The following LINGO2 variants were observed in gnomAD, a reference collection of about 807,000 sequenced individuals.
The protein encoded by LINGO2 is leucine-rich repeat and immunoglobulin-like domain-containing nogo receptor-interacting protein 2.
LINGO2 carries 14 observed loss-of-function variants against 30.6 expected under a neutral mutation model. The ratio of observed to expected loss-of-function variants is 0.46; its 90% CI spans 0.30 to 0.72. The LOEUF (loss-of-function observed/expected upper bound fraction) is 0.72, where lower values mean the gene tolerates loss of function less well. Ranked by LOEUF, LINGO2 falls within the 30% of genes least tolerant of loss-of-function variation. The pLI is 0.07. For missense variants in LINGO2, 729 were observed against 751.7 expected, an observed-to-expected ratio of 0.97 and a Z score of 0.35; for synonymous variants, 317 against 288.5, an observed-to-expected ratio of 1.10 and a Z score of -1.00.
At chr9:28,453,837 T>C (rs928001637) in intron 2 of LINGO2, among the ~76,000 whole-genome samples, 2 of 151,968 alleles carry the variant, frequency 1.3e-5, no homozygotes, top group Non-Finnish European at 2.9e-5. Context: ...TGTCAGTGTC[T>C]TTAGAGTTGT....
intron 4 of LINGO2, among the ~76,000 whole-genome samples, chr9:28,075,208 G>A (rs1825589393): frequency 6.6e-6 from 1 of 151,882 alleles, no homozygotes; most frequent in African/African-American, 2.4e-5. Context: ...TGTATAAGGA[G>A]TATCAAAGCA....
At chr9:28,904,170 T>TAAAA in the LINGO2 span, among the ~76,000 whole-genome samples, 23 of 149,518 alleles carry the variant, frequency 1.5e-4, 1 homozygote, top group African/African-American at 4.7e-4. Flanking sequence ...CCTTTTATGA[T>TAAAA]AAAAAAAAAA....
chr9:27,986,385 C>T (rs1285859468), intron 5 of LINGO2, among the ~76,000 whole-genome samples: 2 of 151,720 alleles, frequency 1.3e-5, no homozygotes, highest in Non-Finnish European at 2.9e-5. Context: ...ACCTGTGACC[C>T]GTGGAAGCAG....
chr9:28,842,693 C>T, the LINGO2 span, among the ~76,000 whole-genome samples: 2 of 151,844 alleles, frequency 1.3e-5, no homozygotes, highest in East Asian at 3.8e-4. Flanking sequence ...ACATCCTCTG[C>T]TCTTTCATTT....
intron 1 of LINGO2, among the ~76,000 whole-genome samples, chr9:28,629,544 A>G (rs1481244376): frequency 6.6e-6 from 1 of 152,002 alleles, no homozygotes; most frequent in Non-Finnish European, 1.5e-5. Context: ...AACACTTTTT[A>G]TGTTATTTTC....
intron 1 of LINGO2, among the ~76,000 whole-genome samples, chr9:28,635,924 G>T (rs1309281425): frequency 6.6e-6 from 1 of 152,062 alleles, no homozygotes; most frequent in Non-Finnish European, 1.5e-5. Context: ...GTAGCACCCA[G>T]TAACTCGTCA....
At chr9:28,000,117 G>T (rs569339883) in intron 5 of LINGO2, among the ~76,000 whole-genome samples, 6 of 152,266 alleles carry the variant, frequency 3.9e-5, no homozygotes, top group African/African-American at 1.4e-4. Flanking sequence ...GACTAGACAC[G>T]AGTGAAGCAA....
chr9:29,203,647 C>T, the LINGO2 span, among the ~76,000 whole-genome samples: 6 of 152,154 alleles, frequency 3.9e-5, no homozygotes, highest in Non-Finnish European at 8.8e-5. Context: ...GGAAGCAGTA[C>T]CACTGCACAG....
intron 4 of LINGO2, among the ~76,000 whole-genome samples, chr9:28,144,484 C>G (rs1827759379): frequency 6.6e-6 from 1 of 152,160 alleles, no homozygotes; most frequent in Non-Finnish European, 1.5e-5. Context: ...GTAACTACAT[C>G]CACAGACAAC....
At chr9:28,447,326 T>C (rs558561392) in intron 2 of LINGO2, among the ~76,000 whole-genome samples, 2 of 152,278 alleles carry the variant, frequency 1.3e-5, no homozygotes, top group East Asian at 1.9e-4. Context: ...AATTAGTTGC[T>C]TGTAAAACTC....
At chr9:28,243,132 T>G (rs1191003310) in intron 4 of LINGO2, among the ~76,000 whole-genome samples, 2 of 152,030 alleles carry the variant, frequency 1.3e-5, no homozygotes, top group Admixed American at 1.3e-4. Flanking sequence ...ATATTAACCT[T>G]AAATGTAAAT....
chr9:28,095,333 C>G (rs1480710325), intron 4 of LINGO2, among the ~76,000 whole-genome samples: 1 of 151,972 alleles, frequency 6.6e-6, no homozygotes, highest in African/African-American at 2.4e-5. Context: ...GTTGTTTTTC[C>G]AAGGAAAGCA....
chr9:28,151,866 T>C (rs1828009977), intron 4 of LINGO2, among the ~76,000 whole-genome samples: 3 of 152,148 alleles, frequency 2.0e-5, no homozygotes, highest in Admixed American at 1.3e-4. Context: ...AATAGATGGA[T>C]ATTTTCAATC....
intron 2 of LINGO2, among the ~76,000 whole-genome samples, chr9:28,424,123 G>A (rs10968586): frequency 0.3 from 45,731 of 151,902 alleles, 7,855 homozygotes; most frequent in Non-Finnish European, 0.38. Flanking sequence ...CACTTGGTAG[G>A]ATCACCTCTA....
At chr9:28,005,054 G>A (rs1468244571) in intron 5 of LINGO2, among the ~76,000 whole-genome samples, 6 of 152,182 alleles carry the variant, frequency 3.9e-5, no homozygotes, top group Admixed American at 2.0e-4. Context: ...CCCATAATTA[G>A]GCAGTACATC....
the LINGO2 span, among the ~76,000 whole-genome samples, chr9:29,026,360 A>G: frequency 2.0e-3 from 309 of 152,302 alleles, 1 homozygote; most frequent in Admixed American, 3.9e-3. Context: ...TCAAGTTTCC[A>G]CATTTGTCCT....
chr9:28,856,387 T>A, the LINGO2 span, among the ~76,000 whole-genome samples: 2 of 152,112 alleles, frequency 1.3e-5, no homozygotes, highest in African/African-American at 4.8e-5. Flanking sequence ...CAGGAGAGAC[T>A]AATATTAACC....
At chr9:28,998,051 A>C in the LINGO2 span, among the ~76,000 whole-genome samples, 1 of 152,282 alleles carries the variant, frequency 6.6e-6, no homozygotes, top group South Asian at 2.1e-4. Flanking sequence ...AAGCTAGTGA[A>C]TAGCAGGGTT....
the LINGO2 span, among the ~76,000 whole-genome samples, chr9:29,069,333 A>T: frequency 0.041 from 6,185 of 152,066 alleles, 194 homozygotes; most frequent in Admixed American, 0.079. Flanking sequence ...GCTAAGATAT[A>T]ATACTCAAAA....
Sources: gnomAD v4.1 joint callset for allele counts (sites outside exome capture counted in the v4.1 genomes callset) on GRCh38, gnomAD v4.1.1 for gene constraint, MANE v1.5 for transcripts, NCBI Gene and HGNC (gene_info 2026-07-23, HGNC 2026-07-21) for gene names.